The following SPATA31F3 variants were observed in gnomAD, a reference collection of about 807,000 sequenced individuals.
The protein encoded by SPATA31F3 is protein SPATA31F3.
At chr9:34,891,544 G>A in the SPATA31F3 span, among the ~76,000 whole-genome samples, 2 of 152,302 alleles carry the variant, frequency 1.3e-5, no homozygotes, top group African/African-American at 4.8e-5. Flanking sequence ...CTGCTCCAGG[G>A]CAGGGATTAT....
the SPATA31F3 span, among the ~76,000 whole-genome samples, chr9:34,890,436 A>AAAGTACCTGGGCCTCTGTCATGT: frequency 4.6e-5 from 7 of 152,322 alleles, no homozygotes; most frequent in East Asian, 1.4e-3. Flanking sequence ...AGCTGAACAC[A>AAAGTACCTGGGCCTCTGTCATGT]AAGTACCTGG....
chr9:34,893,120 C>T, the SPATA31F3 span: 33 of 830,064 alleles, frequency 4.0e-5, no homozygotes, highest in Middle Eastern at 2.3e-4. Flanking sequence ...CAGGATTCGC[C>T]GCACACTTCC....
the SPATA31F3 span, among the ~76,000 whole-genome samples, chr9:34,891,239 T>C: frequency 6.6e-6 from 1 of 152,280 alleles, no homozygotes; most frequent in East Asian, 1.9e-4. Flanking sequence ...CTGATATGTG[T>C]CACTTCCAGG....
At chr9:34,889,140 C>T in the SPATA31F3 span, 1 of 398,474 alleles carries the variant, frequency 2.5e-6, no homozygotes, top group African/African-American at 2.1e-5. Context: ...GCAATGAAAG[C>T]CTTTTTCAGG....
chr9:34,892,206 C>G, the SPATA31F3 span, among the ~76,000 whole-genome samples: 10 of 152,252 alleles, frequency 6.6e-5, no homozygotes, highest in African/African-American at 2.4e-4. Flanking sequence ...GAGGGTAGAG[C>G]TAGAACCATG....
the SPATA31F3 span, chr9:34,889,273 G>A: frequency 2.5e-6 from 1 of 398,576 alleles, no homozygotes; most frequent in Non-Finnish European, 4.4e-6. Flanking sequence ...AGTGGCACAA[G>A]TCATTTGAGG....
At chr9:34,894,459 A>T in the SPATA31F3 span, 1 of 398,530 alleles carries the variant, frequency 2.5e-6, no homozygotes, top group Non-Finnish European at 4.4e-6. Context: ...GAGAAACAGC[A>T]GCTTCCACAA....
At chr9:34,895,640 A>G in the SPATA31F3 span, 2 of 401,130 alleles carry the variant, frequency 5.0e-6, no homozygotes, top group African/African-American at 2.1e-5. Context: ...CACTTGCCAA[A>G]TAATTAATGC....
chr9:34,894,624 A>G, the SPATA31F3 span: 12 of 397,236 alleles, frequency 3.0e-5, no homozygotes, highest in Non-Finnish European at 5.3e-5. Flanking sequence ...ACACTAAGTC[A>G]CATCTGTGTA....
At chr9:34,895,539 G>A in the SPATA31F3 span, 1 of 398,544 alleles carries the variant, frequency 2.5e-6, no homozygotes. Context: ...AATCTTGTTT[G>A]AGGCACATCA....
At chr9:34,891,199 C>G in the SPATA31F3 span, among the ~76,000 whole-genome samples, 1 of 152,194 alleles carries the variant, frequency 6.6e-6, no homozygotes, top group Non-Finnish European at 1.5e-5. Flanking sequence ...TGTCAGTATT[C>G]AGAGTGTCCT....
the SPATA31F3 span, among the ~76,000 whole-genome samples, chr9:34,893,312 A>G: frequency 6.6e-6 from 1 of 152,070 alleles, no homozygotes; most frequent in Non-Finnish European, 1.5e-5. Flanking sequence ...AGAAAATGCT[A>G]TTTGGAGGCT....
chr9:34,889,499 GT>G, the SPATA31F3 span: 1 of 398,606 alleles, frequency 2.5e-6, no homozygotes, highest in Middle Eastern at 6.3e-4. Flanking sequence ...TCTTCTCAAT[GT>G]TTTTTGTCCT....
At chr9:34,895,494 A>C in the SPATA31F3 span, 2 of 398,160 alleles carry the variant, frequency 5.0e-6, no homozygotes, top group Non-Finnish European at 8.9e-6. Flanking sequence ...TTAAAAAGCA[A>C]GGGCTAAGAG....
the SPATA31F3 span, chr9:34,893,052 G>A: frequency 1.1e-6 from 1 of 919,786 alleles, no homozygotes; most frequent in Non-Finnish European, 1.7e-6. Flanking sequence ...TCACCTGCCA[G>A]CAATTGCTTA....
the SPATA31F3 span, chr9:34,893,280 T>C: frequency 9.7e-6 from 4 of 411,500 alleles, no homozygotes; most frequent in Non-Finnish European, 1.7e-5. Flanking sequence ...TCTTGTTGTC[T>C]ACCTCCCTGT....
At chr9:34,892,945 C>T in the SPATA31F3 span, 1 of 687,874 alleles carries the variant, frequency 1.5e-6, no homozygotes, top group East Asian at 2.7e-5. Flanking sequence ...AGCCCAGATC[C>T]TGACTATGCT....
chr9:34,890,902 C>G, the SPATA31F3 span, among the ~76,000 whole-genome samples: 1 of 152,198 alleles, frequency 6.6e-6, no homozygotes. Flanking sequence ...TGTACGTTAT[C>G]TACACAAGCT....
At chr9:34,895,508 CAA>C in the SPATA31F3 span, 1 of 398,302 alleles carries the variant, frequency 2.5e-6, no homozygotes, top group Admixed American at 4.4e-5. Flanking sequence ...CTAAGAGTAA[CAA>C]GAGAAAGCTC....
Sources: gnomAD v4.1 joint callset for allele counts (sites outside exome capture counted in the v4.1 genomes callset) on GRCh38, gnomAD v4.1.1 for gene constraint, MANE v1.5 for transcripts, NCBI Gene and HGNC (gene_info 2026-07-23, HGNC 2026-07-21) for gene names.